CCDC77: variants seen among roughly 807,000 people sequenced by gnomAD.
CCDC77 encodes coiled-coil domain-containing protein 77.
Under a neutral mutation model 66.8 loss-of-function variants are expected in CCDC77, and 56 were observed. The ratio of observed to expected loss-of-function variants is 0.84; its 90% CI spans 0.68 to 1.05. The LOEUF (loss-of-function observed/expected upper bound fraction) is 1.05, where lower values mean the gene tolerates loss of function less well. Ranked by LOEUF, CCDC77 falls within the 50% of genes least tolerant of loss-of-function variation. CCDC77 has a pLI of 0.00. For synonymous variants in CCDC77, 196 were observed against 195.2 expected, an observed-to-expected ratio of 1.00 and a Z score of -0.03; for missense variants, 570 against 576.8, an observed-to-expected ratio of 0.99 and a Z score of 0.12.
At chr12:426,280 G>T (rs908301920) in intron 5 of CCDC77, among the ~76,000 whole-genome samples, 2 of 152,180 alleles carry the variant, frequency 1.3e-5, no homozygotes, top group Non-Finnish European at 2.9e-5. Flanking sequence ...GTCTTTTGAG[G>T]GGTAGGAAAG....
intron 1 of CCDC77, among the ~76,000 whole-genome samples, chr12:391,546 C>T (rs995710414): frequency 1.6e-4 from 24 of 151,900 alleles, no homozygotes; most frequent in East Asian, 3.8e-4. Context: ...AATGGAATTC[C>T]GAATAAAACA....
intron 5 of CCDC77, among the ~76,000 whole-genome samples, chr12:422,552 C>G (rs1013274609): frequency 1.1e-4 from 16 of 152,210 alleles, no homozygotes; most frequent in Non-Finnish European, 1.6e-4. Context: ...TTTCACTCAG[C>G]GTAATGTCTT....
Position 441,995 on chromosome 12 carries a change from C to A in CCDC77, c.*75C>A. ...ACCTGAGGACAAGGTCATCTGCTGC[C>A]AGAAAATGTAAACCTGAGTTGACTA... is the stretch of plus-strand genomic sequence containing the variant. On this transcript the variant is annotated 3_prime_UTR_variant, in exon 13 of 13. Coordinates refer to ENST00000239830, the MANE Select transcript of CCDC77 (RefSeq NM_032358.4). 2 of 1,512,118 alleles carry A rather than the reference C, an allele frequency of 1.3e-6. No individual in the cohort carries two copies. Among genetic ancestry groups the A allele is most frequent in the Non-Finnish European group, 1.8e-6 (2 of 1,096,610 alleles). 93.7% of individuals were successfully genotyped at this position (1,512,118 alleles called of 1,614,324 possible).
intron 5 of CCDC77, among the ~76,000 whole-genome samples, chr12:426,730 C>T (rs1283878332): frequency 6.6e-6 from 1 of 152,056 alleles, no homozygotes; most frequent in Non-Finnish European, 1.5e-5. Flanking sequence ...CCCACGTGCC[C>T]CAGTGCCATG....
chr12:411,576 C>A (rs1945111873), intron 3 of CCDC77, among the ~76,000 whole-genome samples, 171 bp from the exon 4 acceptor site: 1 of 152,014 alleles, frequency 6.6e-6, no homozygotes, highest in African/African-American at 2.4e-5. Context: ...CCTTGGCCTC[C>A]AAAAGTGCTG....
intron 10 of CCDC77, among the ~76,000 whole-genome samples, chr12:439,723 T>A (rs1472829370): frequency 6.6e-6 from 1 of 151,066 alleles, no homozygotes; most frequent in African/African-American, 2.4e-5. Flanking sequence ...GAGGTTGCAG[T>A]GAGCCGAGAT....
At chr12:398,569 C>G (rs1481418618), upstream of CCDC77, among the ~76,000 whole-genome samples, 1 of 150,470 alleles carries the variant, frequency 6.6e-6, no homozygotes, top group Non-Finnish European at 1.5e-5. Flanking sequence ...CCTCCCAAGG[C>G]TCCACTTCTA....
At chr12:438,744 G>C (rs1456872819) in intron 10 of CCDC77, 190 bp downstream of exon 10, 2 of 520,486 alleles carry the variant, frequency 3.8e-6, no homozygotes, top group African/African-American at 3.9e-5. Context: ...TAGACTTGTT[G>C]ATTCATTCAT....
intron 10 of CCDC77, among the ~76,000 whole-genome samples, chr12:439,945 G>A (rs1945829903): frequency 6.6e-6 from 1 of 152,158 alleles, no homozygotes; most frequent in Non-Finnish European, 1.5e-5. Context: ...TGAAAAATGG[G>A]ACTAAGCTTG....
At chr12:413,063 C>T (rs1432177875) in intron 4 of CCDC77, among the ~76,000 whole-genome samples, 7 of 151,170 alleles carry the variant, frequency 4.6e-5, no homozygotes, top group South Asian at 2.1e-4. Context: ...CTCAGCCTCC[C>T]GAGTAGCTGG....
At position 411,989 on chromosome 12, in the gene CCDC77, G is replaced by A. The variant is rs188039595; in HGVS notation, c.270+11G>A. 1.8e-5 allele frequency: 29 copies of A among 1,590,096 alleles called. No individual in the cohort carries two copies. Among genetic ancestry groups the A allele is most frequent in the African/African-American group, 2.7e-5 (2 of 74,300 alleles). ...GCTTGTGAAGGACAGGTAAAGAAAC[G>A]ATGCTGCTGCTTTAGAACTCTGATG... is the stretch of plus-strand genomic sequence containing the variant. On this transcript the variant is annotated intron_variant, in intron 4 of 12. Transcript: ENST00000239830.
chr12:437,102 A>C (rs1445822900), intron 9 of CCDC77, among the ~76,000 whole-genome samples: 1 of 152,044 alleles, frequency 6.6e-6, no homozygotes, highest in Non-Finnish European at 1.5e-5. Context: ...ATCTCACATT[A>C]TTTGTTTGGT....
chr12:432,197 C>T (rs986681255), intron 8 of CCDC77, among the ~76,000 whole-genome samples: 2 of 152,184 alleles, frequency 1.3e-5, no homozygotes, highest in African/African-American at 4.8e-5. Flanking sequence ...TAAGCCCCAT[C>T]CACCAAAACC....
At chr12:418,681 A>T (rs751086233) in intron 5 of CCDC77, 45 bp downstream of exon 5, 2 of 1,544,240 alleles carry the variant, frequency 1.3e-6, no homozygotes, top group Non-Finnish European at 1.8e-6. Context: ...ACTTTAAATT[A>T]CATTCATTCA....
At chr12:402,817 A>G (rs995809008) in intron 1 of CCDC77, among the ~76,000 whole-genome samples, 4 of 152,224 alleles carry the variant, frequency 2.6e-5, no homozygotes, top group African/African-American at 9.6e-5. Context: ...AGATATTCAT[A>G]TGGTTAGACA....
chr12:389,404 TC>T, exon 1 of CCDC77: 2 of 524,064 alleles, frequency 3.8e-6, no homozygotes, highest in Non-Finnish European at 7.0e-6. Context: ...CTTCTTCTCT[TC>T]CCCGGCAGCA....
intron 1 of CCDC77, among the ~76,000 whole-genome samples, chr12:392,945 T>C (rs1361286304): frequency 6.6e-6 from 1 of 151,920 alleles, no homozygotes; most frequent in Non-Finnish European, 1.5e-5. Context: ...AGAGTGGCAT[T>C]GGTTTACATT....
chr12:427,108 T>A (rs548299880), intron 5 of CCDC77, among the ~76,000 whole-genome samples: 40 of 152,006 alleles, frequency 2.6e-4, no homozygotes, highest in Non-Finnish European at 4.6e-4. Context: ...AGCTGGGCAT[T>A]GTGGCATGCG....
At chr12:437,225 G>T (rs947949992) in intron 9 of CCDC77, among the ~76,000 whole-genome samples, 4 of 152,088 alleles carry the variant, frequency 2.6e-5, no homozygotes, top group Admixed American at 2.0e-4. Context: ...CTAACTTCCA[G>T]GGATATTGTT....
Sources: allele counts gnomAD v4.1 joint callset (sites outside exome capture counted in the v4.1 genomes callset), GRCh38; gene constraint gnomAD v4.1.1; transcripts MANE v1.5; gene names NCBI Gene and HGNC (gene_info 2026-07-23, HGNC 2026-07-21).